SCD5: variants seen among roughly 807,000 people sequenced by gnomAD.
SCD5 encodes stearoyl-CoA desaturase 5, also known as acyl-CoA-desaturase 4.
SCD5 carries 20 observed loss-of-function variants against 30.4 expected under a neutral mutation model. The ratio of observed to expected loss-of-function variants is 0.66; its 90% CI spans 0.46 to 0.96. The LOEUF is 0.96. Ranked by LOEUF, SCD5 falls within the 40% of genes least tolerant of loss-of-function variation. The pLI is 0.00. For synonymous variants in SCD5, 173 were observed against 176.4 expected, an observed-to-expected ratio of 0.98 and a Z score of 0.16; for missense variants, 381 against 443.3, an observed-to-expected ratio of 0.86 and a Z score of 1.26.
chr4:82,763,812 T>C (rs968038950), intron 1 of SCD5, among the ~76,000 whole-genome samples: 1 of 152,256 alleles, frequency 6.6e-6, no homozygotes, highest in Non-Finnish European at 1.5e-5. Context: ...TATTTTGTTA[T>C]AGCAGCCCTA....
intron 1 of SCD5, among the ~76,000 whole-genome samples, chr4:82,762,547 G>T (rs1721399550): frequency 6.6e-6 from 1 of 152,158 alleles, no homozygotes; most frequent in African/African-American, 2.4e-5. Flanking sequence ...CCAGCCTCTA[G>T]GGGCTAAATT....
chr4:82,690,145 T>A (rs751276504), intron 2 of SCD5, among the ~76,000 whole-genome samples: 3 of 152,214 alleles, frequency 2.0e-5, no homozygotes, highest in Non-Finnish European at 4.4e-5. Flanking sequence ...TTGGTAAGTG[T>A]ATTCTGTCTA....
At chr4:82,652,569 T>C (rs986274664) in intron 3 of SCD5, among the ~76,000 whole-genome samples, 2 of 152,110 alleles carry the variant, frequency 1.3e-5, no homozygotes, top group South Asian at 2.1e-4. Flanking sequence ...CTACCATGCA[T>C]AGAGATAAGG....
chr4:82,699,069 C>T (rs900373096), intron 2 of SCD5, among the ~76,000 whole-genome samples: 1 of 152,102 alleles, frequency 6.6e-6, no homozygotes, highest in Non-Finnish European at 1.5e-5. Flanking sequence ...GGGTCCGCAA[C>T]CCCCGGGCCA....
At chr4:82,662,876 A>AG (rs1398173705) in intron 3 of SCD5, among the ~76,000 whole-genome samples, 1 of 149,936 alleles carries the variant, frequency 6.7e-6, no homozygotes, top group African/African-American at 2.4e-5. Flanking sequence ...AAAAAAAAAA[A>AG]CACACATGGT....
At chr4:82,690,590 CT>C (rs1728811477) in intron 2 of SCD5, among the ~76,000 whole-genome samples, 2 of 152,132 alleles carry the variant, frequency 1.3e-5, no homozygotes, top group South Asian at 4.2e-4. Context: ...TAATTTTCCT[CT>C]CCACAATACA....
intron 1 of SCD5, among the ~76,000 whole-genome samples, chr4:82,784,766 A>G (rs923053635): frequency 1.3e-5 from 2 of 152,224 alleles, no homozygotes; most frequent in African/African-American, 4.8e-5. Flanking sequence ...TTATGTAAGA[A>G]GAGGATGCAA....
Position 82,794,802 on chromosome 4 carries a change from A to G in SCD5, c.232+3504T>C, listed in dbSNP as rs546149602. On this transcript the variant is annotated intron_variant, in intron 1 of 4. Transcript: ENST00000319540. ...GTAGCTGGGACTACAGGTGCCCACC[A>G]CCACGCCCGGCTAATTTTTGTATTT... Among the ~76,000 whole-genome samples the G allele has an allele frequency of 7.2e-5, 11 of 152,144 alleles. No individual in the cohort carries two copies. The South Asian group carries it at 2.3e-3, about 32-fold the overall frequency.
intron 1 of SCD5, among the ~76,000 whole-genome samples, chr4:82,759,440 T>C (rs1253355458): frequency 6.6e-6 from 1 of 152,154 alleles, no homozygotes; most frequent in East Asian, 1.9e-4. Context: ...CAGTCAGATG[T>C]TCTGCTTCAC....
chr4:82,633,807 C>A (rs754548385), intron 4 of SCD5, among the ~76,000 whole-genome samples: 5 of 152,172 alleles, frequency 3.3e-5, no homozygotes, highest in African/African-American at 1.2e-4. Context: ...TTGAAGTATA[C>A]AATTTAATGG....
chr4:82,643,248 T>C (rs557097443), intron 3 of SCD5, among the ~76,000 whole-genome samples: 2 of 152,160 alleles, frequency 1.3e-5, no homozygotes, highest in Non-Finnish European at 2.9e-5. Context: ...TGACCCAGAT[T>C]TTCACTCCTA....
At chr4:82,731,770 A>G (rs1273133969) in intron 1 of SCD5, among the ~76,000 whole-genome samples, 2 of 152,194 alleles carry the variant, frequency 1.3e-5, no homozygotes, top group Non-Finnish European at 2.9e-5. Context: ...CAGAGAATTC[A>G]GACCTCTGAA....
chr4:82,777,512 G>A (rs1281481038), intron 1 of SCD5, among the ~76,000 whole-genome samples: 2 of 152,166 alleles, frequency 1.3e-5, no homozygotes, highest in Non-Finnish European at 2.9e-5. Context: ...TACTATTTCT[G>A]GTCAAAGACA....
intron 1 of SCD5, among the ~76,000 whole-genome samples, chr4:82,729,344 G>A (rs1490934717): frequency 1.3e-5 from 2 of 152,180 alleles, no homozygotes; most frequent in Non-Finnish European, 2.9e-5. Flanking sequence ...TGGAGGAGGA[G>A]GGAGGCTGGC....
At chr4:82,685,812 C>A (rs903771810) in intron 2 of SCD5, among the ~76,000 whole-genome samples, 12 of 151,902 alleles carry the variant, frequency 7.9e-5, no homozygotes, top group African/African-American at 2.7e-4. Context: ...GTAACATACC[C>A]AAATATTATC....
intron 1 of SCD5, among the ~76,000 whole-genome samples, chr4:82,727,908 A>G (rs138003953): frequency 0.011 from 1,605 of 152,212 alleles, 23 homozygotes; most frequent in African/African-American, 0.037. Flanking sequence ...GGGTTTCACC[A>G]TGTTGGCCAG....
At chr4:82,736,341 G>C (rs2148837360) in intron 1 of SCD5, among the ~76,000 whole-genome samples, 1 of 152,092 alleles carries the variant, frequency 6.6e-6, no homozygotes, top group South Asian at 2.1e-4. Flanking sequence ...AGGCGCAGTG[G>C]CTCACATCTG....
intron 2 of SCD5, among the ~76,000 whole-genome samples, chr4:82,683,325 A>G (rs905669544): frequency 3.3e-5 from 5 of 152,226 alleles, no homozygotes; most frequent in African/African-American, 1.2e-4. Context: ...GCTGTGGTCT[A>G]AGAAATAATT....
chr4:82,669,482 A>G (rs182692636), intron 3 of SCD5, among the ~76,000 whole-genome samples: 68 of 152,352 alleles, frequency 4.5e-4, no homozygotes, highest in Non-Finnish European at 7.9e-4. Context: ...CCAAAATTGG[A>G]CAGACAGGCA....
Sources: gnomAD v4.1 joint callset for allele counts (sites outside exome capture counted in the v4.1 genomes callset) on GRCh38, gnomAD v4.1.1 for gene constraint, MANE v1.5 for transcripts, NCBI Gene and HGNC (gene_info 2026-07-23, HGNC 2026-07-21) for gene names.